Variants in KIRREL1 observed in about 807,000 individuals in gnomAD.
The protein encoded by KIRREL1 is kin of IRRE-like protein 1.
Under a neutral mutation model 83.3 loss-of-function variants are expected in KIRREL1, and 25 were observed. That is an observed-to-expected ratio of 0.30 (90% CI 0.22 to 0.42). KIRREL1 has a LOEUF of 0.42. Among genes scored for constraint, KIRREL1 ranks in the 10% least tolerant of loss-of-function variants. The probability of loss-of-function intolerance (pLI) is 1.00; values close to 1 mark genes in which losing one functional copy is unlikely to be tolerated. For synonymous variants in KIRREL1, 388 were observed against 410.4 expected (o/e 0.95, Z 0.66); for missense variants, 812 against 1,032.3 (o/e 0.79, Z 2.92).
intron 1 of KIRREL1, among the ~76,000 whole-genome samples, chr1:158,042,460 C>T (rs988011932): frequency 3.3e-5 from 5 of 152,160 alleles, no homozygotes; most frequent in African/African-American, 1.2e-4. Flanking sequence ...ACCTCATTCT[C>T]TGTTACCTGA....
chr1:158,037,534 C>G (rs1660511461), intron 1 of KIRREL1, among the ~76,000 whole-genome samples: 1 of 149,360 alleles, frequency 6.7e-6, no homozygotes. Flanking sequence ...ATCACACCTA[C>G]TTCTCAGGGG....
chr1:158,078,673 C>A (rs1297676566), intron 3 of KIRREL1, among the ~76,000 whole-genome samples: 1 of 152,094 alleles, frequency 6.6e-6, no homozygotes, highest in Non-Finnish European at 1.5e-5. Flanking sequence ...CACCTGGGGG[C>A]CTCCTCCAGG....
At chr1:158,044,561 C>T (rs894875881) in intron 1 of KIRREL1, among the ~76,000 whole-genome samples, 4 of 152,130 alleles carry the variant, frequency 2.6e-5, no homozygotes, top group Admixed American at 1.3e-4. Flanking sequence ...TGCAGTGGCA[C>T]GAACTCGGCT....
At chr1:158,091,298 T>A (rs1174796285) in intron 10 of KIRREL1, 60 bp from the exon 11 acceptor site, 3 of 1,501,828 alleles carry the variant, frequency 2.0e-6, no homozygotes, top group Non-Finnish European at 2.7e-6. Context: ...AGGGGACACG[T>A]GGGCATGGGC....
At chr1:158,080,597 AAG>A (rs1461018262) in intron 3 of KIRREL1, among the ~76,000 whole-genome samples, 1 of 152,118 alleles carries the variant, frequency 6.6e-6, no homozygotes, top group Non-Finnish European at 1.5e-5. Context: ...TTTAAGCTGA[AAG>A]AGAGACAGGG....
chr1:158,064,989 G>A (rs1453542987), intron 1 of KIRREL1, among the ~76,000 whole-genome samples: 1 of 150,642 alleles, frequency 6.6e-6, no homozygotes, highest in East Asian at 1.9e-4. Flanking sequence ...GAGTTGGGGG[G>A]TGGGAGGTGA....
intron 1 of KIRREL1, among the ~76,000 whole-genome samples, chr1:158,072,005 G>C (rs932700156): frequency 2.0e-5 from 3 of 152,128 alleles, no homozygotes; most frequent in Non-Finnish European, 2.9e-5. Flanking sequence ...GCACCTCACT[G>C]CTCACTTTCT....
chr1:158,020,625 C>T (rs576797583), intron 1 of KIRREL1, among the ~76,000 whole-genome samples: 1 of 46,264 alleles, frequency 2.2e-5, no homozygotes, highest in Non-Finnish European at 6.0e-5. Context: ...AAAAAAAAGC[C>T]GTTGAGTGAA....
chr1:157,998,167 G>C (rs1252517322), intron 1 of KIRREL1, among the ~76,000 whole-genome samples: 1 of 152,162 alleles, frequency 6.6e-6, no homozygotes, highest in Non-Finnish European at 1.5e-5. Flanking sequence ...ACTGTACCTG[G>C]CCAAGAAACT....
chr1:158,041,904 C>T (rs575972368), intron 1 of KIRREL1, among the ~76,000 whole-genome samples: 159 of 152,118 alleles, frequency 1.0e-3, no homozygotes, highest in African/African-American at 3.6e-3. Context: ...CTAGAGATGG[C>T]GAGGAGGGTT....
intron 1 of KIRREL1, among the ~76,000 whole-genome samples, chr1:158,013,978 A>G (rs950982365): frequency 2.6e-5 from 4 of 151,950 alleles, no homozygotes; most frequent in African/African-American, 7.3e-5. Context: ...TTGTTTTTCA[A>G]CCTCTGCCCC....
At chr1:158,063,003 C>T (rs1661255054) in intron 1 of KIRREL1, among the ~76,000 whole-genome samples, 1 of 152,206 alleles carries the variant, frequency 6.6e-6, no homozygotes. Flanking sequence ...TGCCTGAAAC[C>T]CAGCCACTTC....
At chr1:158,002,532 A>G (rs945908680) in intron 1 of KIRREL1, among the ~76,000 whole-genome samples, 11 of 152,210 alleles carry the variant, frequency 7.2e-5, no homozygotes, top group Non-Finnish European at 1.6e-4. Context: ...CATGTGTTCA[A>G]CTTATGAGCA....
intron 1 of KIRREL1, among the ~76,000 whole-genome samples, chr1:158,026,360 G>A (rs767787899): frequency 6.6e-6 from 1 of 152,128 alleles, no homozygotes; most frequent in Non-Finnish European, 1.5e-5. Context: ...CTTCACTGTA[G>A]ACTTGCTTAT....
chr1:158,017,825 ATC>A (rs1049978150), intron 1 of KIRREL1, among the ~76,000 whole-genome samples: 6 of 151,896 alleles, frequency 4.0e-5, no homozygotes, highest in Admixed American at 3.9e-4. Flanking sequence ...CTCCCTCTCA[ATC>A]TCTCAGTTCT....
rs183369801 is a variant in KIRREL1, at chr1:158,096,424, G to A, written c.*1304G>A. 1,593 of 359,984 alleles carry A rather than the reference G, an allele frequency of 4.4e-3. 7 individuals carry two copies. Among genetic ancestry groups the A allele is most frequent in the Non-Finnish European group, 6.7e-3 (1,215 of 181,848 alleles). 22.3% of individuals were successfully genotyped at this position (359,984 alleles called of 1,614,324 possible). ...CCTTCTTCCACTTTCAGTGCCTTGA[G>A]TGTCAAGCTTTGGATGACCGACCCT... On this transcript the variant is annotated 3_prime_UTR_variant, in exon 15 of 15. Coordinates refer to ENST00000359209, the MANE Select transcript of KIRREL1 (RefSeq NM_018240.7).
intron 1 of KIRREL1, among the ~76,000 whole-genome samples, chr1:158,062,946 G>A (rs1196059501): frequency 6.6e-6 from 1 of 152,226 alleles, no homozygotes; most frequent in Non-Finnish European, 1.5e-5. Flanking sequence ...GAAAGAGAAG[G>A]CATTAGATTT....
chr1:157,998,375 A>G (rs1287599429), intron 1 of KIRREL1, among the ~76,000 whole-genome samples: 1 of 152,218 alleles, frequency 6.6e-6, no homozygotes, highest in African/African-American at 2.4e-5. Context: ...AACTCATTCA[A>G]ATTTAAAAAA....
intron 1 of KIRREL1, among the ~76,000 whole-genome samples, chr1:158,065,726 C>T (rs184523989): frequency 3.0e-4 from 45 of 152,218 alleles, no homozygotes; most frequent in Non-Finnish European, 1.5e-4. Context: ...TTCCATTTCC[C>T]AAAGACGTCA....
Sources: gnomAD v4.1 joint callset for allele counts (sites outside exome capture counted in the v4.1 genomes callset) on GRCh38, gnomAD v4.1.1 for gene constraint, MANE v1.5 for transcripts, NCBI Gene and HGNC (gene_info 2026-07-23, HGNC 2026-07-21) for gene names.